HSPA12A: variants seen among roughly 807,000 people sequenced by gnomAD.
HSPA12A encodes heat shock 70 kDa protein 12A.
Under a neutral mutation model 69.2 loss-of-function variants are expected in HSPA12A, and 28 were observed. The ratio of observed to expected loss-of-function variants is 0.40; its 90% confidence interval spans 0.30 to 0.55. The LOEUF is 0.55. HSPA12A is among the 20% of genes least tolerant of loss of function. The probability of loss-of-function intolerance (pLI) is 0.38; values close to 1 mark genes in which losing one functional copy is unlikely to be tolerated. For synonymous variants in HSPA12A, 345 were observed against 370.5 expected (o/e 0.93, Z 0.79); for missense variants, 686 against 900.7 (o/e 0.76, Z 3.05).
intron 2 of HSPA12A, among the ~76,000 whole-genome samples, chr10:116,816,996 G>A (rs1286868466): frequency 3.3e-5 from 5 of 152,116 alleles, no homozygotes; most frequent in Admixed American, 6.6e-5. Flanking sequence ...CTATGCTGTC[G>A]AATGTGGAAA....
intron 1 of HSPA12A, among the ~76,000 whole-genome samples, chr10:116,717,941 C>A (rs931282645): frequency 6.6e-6 from 1 of 152,168 alleles, no homozygotes; most frequent in African/African-American, 2.4e-5. Flanking sequence ...GTTTGCCCCC[C>A]AAGCTGTCTG....
chr10:116,728,443 C>A (rs1665645), intron 1 of HSPA12A, among the ~76,000 whole-genome samples: 2 of 152,048 alleles, frequency 1.3e-5, no homozygotes, highest in Non-Finnish European at 2.9e-5. Context: ...CACAAGGGCA[C>A]AATATCAGAA....
intron 10 of HSPA12A, among the ~76,000 whole-genome samples, chr10:116,678,586 G>GAAAA (rs11435803): frequency 3.9e-5 from 5 of 128,674 alleles, no homozygotes; most frequent in Non-Finnish European, 4.7e-5. Context: ...GGTACAAAGT[G>GAAAA]AAAAAAAAAA....
chr10:116,682,197 GA>G (rs1446728279), intron 7 of HSPA12A, among the ~76,000 whole-genome samples: 1 of 152,156 alleles, frequency 6.6e-6, no homozygotes, highest in Non-Finnish European at 1.5e-5. Flanking sequence ...TGAAAGAAGA[GA>G]ATGTGGTCAA....
intron 1 of HSPA12A, among the ~76,000 whole-genome samples, chr10:116,712,977 AATATATAT>A (rs56007651): frequency 0.37 from 30,163 of 80,882 alleles, 5,736 homozygotes; most frequent in Middle Eastern, 0.47. Context: ...TAAAAAATGC[AATATATAT>A]ATATATATAT....
chr10:116,814,456 T>C (rs1845258825), intron 2 of HSPA12A, among the ~76,000 whole-genome samples: 1 of 152,214 alleles, frequency 6.6e-6, no homozygotes, highest in Non-Finnish European at 1.5e-5. Flanking sequence ...CCACATCTGC[T>C]ACCTACACCC....
At chr10:116,693,937 C>T (rs1554880429) in intron 5 of HSPA12A, among the ~76,000 whole-genome samples, 1 of 152,166 alleles carries the variant, frequency 6.6e-6, no homozygotes, top group Non-Finnish European at 1.5e-5. Flanking sequence ...ATTTTTTTAT[C>T]ATCATATTTT....
chr10:116,687,422 C>T (rs1473692960), intron 6 of HSPA12A, among the ~76,000 whole-genome samples: 2 of 152,090 alleles, frequency 1.3e-5, no homozygotes, highest in Admixed American at 6.5e-5. Flanking sequence ...AGTGAGGGGC[C>T]GTGTCCTACC....
At chr10:116,812,701 A>T (rs753283040) in intron 2 of HSPA12A, among the ~76,000 whole-genome samples, 3 of 152,120 alleles carry the variant, frequency 2.0e-5, no homozygotes, top group Non-Finnish European at 4.4e-5. Flanking sequence ...TGGCAAGGTG[A>T]GCCGACATTC....
intron 6 of HSPA12A, among the ~76,000 whole-genome samples, chr10:116,691,401 C>G (rs2132938467): frequency 6.6e-6 from 1 of 152,218 alleles, no homozygotes; most frequent in South Asian, 2.1e-4. Context: ...AAGAAAGTGT[C>G]ACAAACAAAA....
rs1850849258 is a variant in HSPA12A, at chr10:116,723,476, C to T, written c.41-16191G>A. On this transcript the variant is annotated intron_variant, in intron 1 of 11. Coordinates refer to ENST00000369209, the MANE Select transcript of HSPA12A (RefSeq NM_025015.3). This position sits in a 1 kb window ranked among gnomAD's most constrained non-coding sequence, Gnocchi z 4.1. ...TTCTGGGGCAACACCCAGTTCCACC[C>T]TCACCAGCTCTGTCACAGACGGGAC... Among the ~76,000 whole-genome samples, 1 of 152,204 alleles carries T rather than the reference C, an allele frequency of 6.6e-6. No individual in the cohort carries two copies. Among genetic ancestry groups the T allele is most frequent in the African/African-American group, 2.4e-5 (1 of 41,446 alleles).
intron 2 of HSPA12A, among the ~76,000 whole-genome samples, chr10:116,750,877 G>T (rs1360224704): frequency 6.6e-6 from 1 of 152,124 alleles, no homozygotes; most frequent in Non-Finnish European, 1.5e-5. Flanking sequence ...AGAGGCTGAG[G>T]TGGGAGGATC....
chr10:116,753,250 GC>G (rs1554888506), intron 2 of HSPA12A, among the ~76,000 whole-genome samples: 1 of 151,998 alleles, frequency 6.6e-6, no homozygotes, highest in African/African-American at 2.4e-5. Context: ...GGCAAGGCCT[GC>G]GGGCTCAGAC....
chr10:116,788,235 C>T (rs547059309), intron 2 of HSPA12A, among the ~76,000 whole-genome samples: 2 of 152,202 alleles, frequency 1.3e-5, no homozygotes, highest in Non-Finnish European at 2.9e-5. Context: ...ATCCTGCAAA[C>T]GCCGCCCTCT....
At chr10:116,811,203 C>T (rs566262512) in intron 2 of HSPA12A, among the ~76,000 whole-genome samples, 1 of 152,238 alleles carries the variant, frequency 6.6e-6, no homozygotes, top group South Asian at 2.1e-4. Flanking sequence ...AACACATGGC[C>T]TCTTCCAGAA....
intron 4 of HSPA12A, 107 bp from the exon 5 acceptor site, chr10:116,698,846 T>C: frequency 1.2e-6 from 1 of 841,134 alleles, no homozygotes; most frequent in South Asian, 1.5e-5. Flanking sequence ...GTGAGCCATG[T>C]CTGTGTTCCC....
At chr10:116,843,114 G>A (rs1233877024) in intron 1 of HSPA12A, among the ~76,000 whole-genome samples, 7 of 152,178 alleles carry the variant, frequency 4.6e-5, no homozygotes. Flanking sequence ...ATCTAAAACA[G>A]CCTTTGACAG....
chr10:116,726,168 G>A (rs1159640175), intron 1 of HSPA12A, among the ~76,000 whole-genome samples: 6 of 152,002 alleles, frequency 3.9e-5, no homozygotes, highest in African/African-American at 1.5e-4. Flanking sequence ...CCTGGCATGT[G>A]GCACTTTGCA....
At chr10:116,811,579 T>TTA (rs1424694255) in intron 2 of HSPA12A, among the ~76,000 whole-genome samples, 154 of 105,930 alleles carry the variant, frequency 1.5e-3, no homozygotes, top group African/African-American at 4.9e-3. Context: ...TTGCTTTTGT[T>TTA]AAAAAAAAAA....
Sources: allele counts gnomAD v4.1 joint callset (sites outside exome capture counted in the v4.1 genomes callset), GRCh38; gene constraint gnomAD v4.1.1; non-coding constraint Gnocchi (gnomAD v3.1); transcripts MANE v1.5; gene names NCBI Gene and HGNC (gene_info 2026-07-23, HGNC 2026-07-21).